Variants in FARS2 observed in about 807,000 individuals in gnomAD.
FARS2 encodes phenylalanyl-tRNA synthetase 2, mitochondrial.
Under a neutral mutation model 46.4 loss-of-function variants are expected in FARS2, and 40 were observed. The ratio of observed to expected loss-of-function variants is 0.86; its 90% CI spans 0.67 to 1.12. The LOEUF (loss-of-function observed/expected upper bound fraction) is 1.12, where lower values mean the gene tolerates loss of function less well. FARS2 is among the 50% of genes most tolerant of loss of function. FARS2 has a pLI of 0.00. For missense variants in FARS2, 513 were observed against 567.9 expected, an observed-to-expected ratio of 0.90 and a Z score of 0.98; for synonymous variants, 234 against 214.9, an observed-to-expected ratio of 1.09 and a Z score of -0.78.
intron 6 of FARS2, among the ~76,000 whole-genome samples, chr6:5,671,499 A>C (rs1289267587): frequency 2.0e-5 from 3 of 152,220 alleles, no homozygotes; most frequent in African/African-American, 7.2e-5. Flanking sequence ...TATGGTGTTC[A>C]AGGTCACTGT....
chr6:5,423,496 A>C (rs1582062403), intron 3 of FARS2, among the ~76,000 whole-genome samples: 1 of 152,142 alleles, frequency 6.6e-6, no homozygotes, highest in Non-Finnish European at 1.5e-5. Flanking sequence ...CTTTCTGCCA[A>C]GCAGAAGAAT....
At chr6:5,451,629 A>AT (rs1261598355) in intron 4 of FARS2, 9 of 152,168 alleles carry the variant, frequency 5.9e-5, no homozygotes, top group Admixed American at 5.9e-4. Flanking sequence ...TCCTCTCTAG[A>AT]TTTTTGTTAG....
intron 1 of FARS2, among the ~76,000 whole-genome samples, chr6:5,330,932 C>T (rs1770755641): frequency 6.6e-6 from 1 of 151,634 alleles, no homozygotes; most frequent in African/African-American, 2.4e-5. Context: ...ATGGTAAAAC[C>T]CCATCTCCAA....
intron 6 of FARS2, among the ~76,000 whole-genome samples, chr6:5,717,569 G>C (rs1296312440): frequency 1.3e-5 from 2 of 151,968 alleles, no homozygotes. Flanking sequence ...GAATCTAGAG[G>C]CTTGATCAGA....
intron 5 of FARS2, among the ~76,000 whole-genome samples, chr6:5,579,834 T>A (rs1314495709): frequency 2.6e-5 from 4 of 152,178 alleles, no homozygotes; most frequent in Admixed American, 2.6e-4. Flanking sequence ...ACTTTACGCA[T>A]CTCTGCAAAT....
chr6:5,380,350 A>G (rs1759674960), intron 2 of FARS2, among the ~76,000 whole-genome samples: 1 of 152,246 alleles, frequency 6.6e-6, no homozygotes, highest in Admixed American at 6.5e-5. Flanking sequence ...AAATCCAAAT[A>G]ATTACAGTTA....
At chr6:5,450,048 A>AT (rs1029913997) in intron 4 of FARS2, among the ~76,000 whole-genome samples, 31 of 152,298 alleles carry the variant, frequency 2.0e-4, no homozygotes, top group Non-Finnish European at 3.4e-4. Context: ...CAAATACTGT[A>AT]TTTTTGACCC....
At chr6:5,718,347 C>T (rs960769175) in intron 6 of FARS2, among the ~76,000 whole-genome samples, 2 of 152,234 alleles carry the variant, frequency 1.3e-5, no homozygotes, top group African/African-American at 4.8e-5. Flanking sequence ...TGCCCACCCA[C>T]CCCCAACTGG....
chr6:5,620,004 G>A (rs1775680849), intron 6 of FARS2, among the ~76,000 whole-genome samples: 1 of 152,066 alleles, frequency 6.6e-6, no homozygotes, highest in African/African-American at 2.4e-5. Flanking sequence ...GTGCGCATCA[G>A]ACGAGTTTTC....
chr6:5,288,034 C>T (rs1767244885), intron 1 of FARS2, among the ~76,000 whole-genome samples: 3 of 152,302 alleles, frequency 2.0e-5, no homozygotes, highest in African/African-American at 4.8e-5. Flanking sequence ...CTCCCAGCTG[C>T]CTTGTTCCCA....
chr6:5,652,979 T>C (rs1272326534), intron 6 of FARS2, among the ~76,000 whole-genome samples: 1 of 152,210 alleles, frequency 6.6e-6, no homozygotes, highest in Non-Finnish European at 1.5e-5. Flanking sequence ...GGCTTGTGTG[T>C]ATGCAGGAGA....
intron 2 of FARS2, among the ~76,000 whole-genome samples, chr6:5,378,684 C>T (rs1035066552): frequency 2.6e-5 from 4 of 152,166 alleles, no homozygotes; most frequent in Admixed American, 6.5e-5. Context: ...CATTTTTATT[C>T]GGCTTTGACA....
intron 4 of FARS2, among the ~76,000 whole-genome samples, chr6:5,434,724 CTCT>C (rs1412550140): frequency 2.0e-5 from 3 of 152,116 alleles, no homozygotes; most frequent in African/African-American, 7.2e-5. Flanking sequence ...TTCTTTCCAT[CTCT>C]TCTTCTATAT....
intron 4 of FARS2, among the ~76,000 whole-genome samples, chr6:5,499,501 T>C (rs1048146253): frequency 3.9e-5 from 6 of 152,204 alleles, no homozygotes. Flanking sequence ...ACTGCTTGGG[T>C]CTGTGAGCTT....
intron 4 of FARS2, among the ~76,000 whole-genome samples, chr6:5,509,954 G>A (rs540070338): frequency 6.6e-6 from 1 of 152,168 alleles, no homozygotes; most frequent in East Asian, 1.9e-4. Flanking sequence ...CATTTAATGT[G>A]GAGCTCTTTA....
chr6:5,399,052 G>A (rs949824578), intron 2 of FARS2, among the ~76,000 whole-genome samples: 1 of 151,044 alleles, frequency 6.6e-6, no homozygotes, highest in Non-Finnish European at 1.5e-5. Context: ...CATTTATTTA[G>A]AATAAACTTC....
chr6:5,273,463 C>A (rs1257489041), intron 1 of FARS2, among the ~76,000 whole-genome samples: 3 of 151,868 alleles, frequency 2.0e-5, no homozygotes. Flanking sequence ...TGTATGTCTT[C>A]ATTTCAGAAA....
chr6:5,683,208 CCTGGA>C, intron 6 of FARS2, among the ~76,000 whole-genome samples: 1 of 152,114 alleles, frequency 6.6e-6, no homozygotes, highest in Non-Finnish European at 1.5e-5. Context: ...GTCTGGGTGG[CCTGGA>C]CTGGGAGGGC....
chr6:5,632,629 CCCTCCCTT>C (rs981217337), intron 6 of FARS2, among the ~76,000 whole-genome samples: 1 of 141,850 alleles, frequency 7.0e-6, no homozygotes, highest in Non-Finnish European at 1.5e-5. Flanking sequence ...CTCCCTCCCT[CCCTCCCTT>C]CTTCCTTCCT....
Sources: gnomAD v4.1 joint callset for allele counts (sites outside exome capture counted in the v4.1 genomes callset) on GRCh38, gnomAD v4.1.1 for gene constraint, MANE v1.5 for transcripts, NCBI Gene and HGNC (gene_info 2026-07-23, HGNC 2026-07-21) for gene names.